The following FAM210A variants were observed in gnomAD, a reference collection of about 807,000 sequenced individuals.
The protein encoded by FAM210A is family with sequence similarity 210 member A.
Under a neutral mutation model 25.3 loss-of-function variants are expected in FAM210A, and 13 were observed. That is an observed-to-expected ratio of 0.51 (90% CI 0.33 to 0.82). FAM210A has a LOEUF of 0.82. Ranked by LOEUF, FAM210A falls within the 40% of genes least tolerant of loss-of-function variation. The pLI, the probability that FAM210A is intolerant of heterozygous loss-of-function variation, is 0.02. For missense variants in FAM210A, 319 were observed against 323.2 expected, an observed-to-expected ratio of 0.99 and a Z score of 0.10; for synonymous variants, 125 against 118.7, an observed-to-expected ratio of 1.05 and a Z score of -0.35.
intron 1 of FAM210A, among the ~76,000 whole-genome samples, chr18:13,690,892 G>A (rs2043637832): frequency 1.3e-5 from 2 of 152,200 alleles, no homozygotes; most frequent in African/African-American, 4.8e-5. Context: ...GGACAAAGCT[G>A]GACGGAGAAT....
At chr18:13,692,262 G>A (rs1329702773) in intron 1 of FAM210A, among the ~76,000 whole-genome samples, 1 of 152,016 alleles carries the variant, frequency 6.6e-6, no homozygotes, top group Non-Finnish European at 1.5e-5. Flanking sequence ...AGTCCTTAGA[G>A]ACCTACAAAG....
chr18:13,720,910 T>C (rs1234980748), intron 1 of FAM210A, among the ~76,000 whole-genome samples: 1 of 152,216 alleles, frequency 6.6e-6, no homozygotes, highest in Non-Finnish European at 1.5e-5. Context: ...TTGGTGTTCC[T>C]CTACTTCAGT....
intron 1 of FAM210A, among the ~76,000 whole-genome samples, chr18:13,698,185 C>G (rs7237229): frequency 0.014 from 2,093 of 151,558 alleles, 43 homozygotes; most frequent in African/African-American, 0.047. Flanking sequence ...AAACCCTGTC[C>G]TTACTAAAAA....
intron 3 of FAM210A, among the ~76,000 whole-genome samples, chr18:13,669,480 C>T (rs2043426000): frequency 1.3e-5 from 2 of 152,136 alleles, no homozygotes; most frequent in Admixed American, 6.6e-5. Context: ...CTTTGTCTTT[C>T]GGATTTTCTC....
intron 1 of FAM210A, among the ~76,000 whole-genome samples, chr18:13,692,260 G>T (rs1208238204): frequency 6.6e-6 from 1 of 152,016 alleles, no homozygotes; most frequent in Non-Finnish European, 1.5e-5. Context: ...CAAGTCCTTA[G>T]AGACCTACAA....
intron 1 of FAM210A, among the ~76,000 whole-genome samples, chr18:13,707,737 G>A (rs2043789959): frequency 6.6e-6 from 1 of 152,224 alleles, no homozygotes; most frequent in Non-Finnish European, 1.5e-5. Flanking sequence ...ACTTAGGAGT[G>A]TGCGCCTGTA....
At chr18:13,704,417 G>A (rs1202943320) in intron 1 of FAM210A, among the ~76,000 whole-genome samples, 1 of 152,096 alleles carries the variant, frequency 6.6e-6, no homozygotes, top group East Asian at 1.9e-4. Flanking sequence ...GCACAATAGG[G>A]TTTTCTTAAA....
In FAM210A at chr18:13,663,606, A is replaced by T. The variant is rs550698037; in HGVS notation, c.*2874T>A. ...CTTTTTGTGCATTTTACACAGGCGAATCTCAGTCCTAGCTCCCTCCCCACC... is the reference window on the plus strand; with the variant it reads ...CTTTTTGTGCATTTTACACAGGCGATTCTCAGTCCTAGCTCCCTCCCCACC... On this transcript the variant is annotated 3_prime_UTR_variant, in exon 4 of 4. Transcript: ENST00000651643. 6.6e-6 allele frequency: 1 copy of T among 152,144 alleles called. No individual in the cohort carries two copies. The highest frequency in any genetic ancestry group is 6.5e-5 in the Admixed American group (1 of 15,274). The allele number at this position is 152,144 out of a possible 1,614,324, so 9.4% of individuals were successfully genotyped here. A position where few individuals can be genotyped will look rare whatever the true frequency, so the allele number is the denominator to read the frequency against.
chr18:13,673,849 C>A (rs868601997), intron 2 of FAM210A, among the ~76,000 whole-genome samples: 11 of 126,678 alleles, frequency 8.7e-5, no homozygotes, highest in East Asian at 5.4e-4. Context: ...TGATTATTAA[C>A]ATTCCTGAGC....
chr18:13,709,330 TG>T (rs2149068035), intron 1 of FAM210A, among the ~76,000 whole-genome samples: 1 of 152,354 alleles, frequency 6.6e-6, no homozygotes, highest in South Asian at 2.1e-4. Context: ...TCAGTGTTCT[TG>T]CTCACTCTGC....
intron 2 of FAM210A, among the ~76,000 whole-genome samples, chr18:13,673,770 C>A (rs1428440146): frequency 6.6e-6 from 1 of 150,612 alleles, no homozygotes; most frequent in African/African-American, 2.4e-5. Flanking sequence ...CATTCCTGAG[C>A]CCCGACTTCA....
chr18:13,716,497 G>A lies in FAM210A; in HGVS notation c.-29+9832C>T, dbSNP rs1436797147. Among the ~76,000 whole-genome samples the A allele has an allele frequency of 2.6e-5, 4 of 152,168 alleles. No individual in the cohort carries two copies. The East Asian group carries it at 7.7e-4, about 29-fold the overall frequency. On this transcript the variant is annotated intron_variant, in intron 1 of 3. Coordinates refer to ENST00000651643, the MANE Select transcript of FAM210A (RefSeq NM_152352.4). ...GGGACCTAATTCTCTCTCCTAAACT[G>A]GGGGTGAGCAAGGAAACATATGGAT...
intron 1 of FAM210A, among the ~76,000 whole-genome samples, chr18:13,701,793 T>C (rs149932239): frequency 2.6e-5 from 4 of 152,344 alleles, no homozygotes; most frequent in African/African-American, 9.6e-5. Context: ...TTAGTTATTA[T>C]CCAGATCCAA....
chr18:13,712,620 T>C (rs2043830637), intron 1 of FAM210A, among the ~76,000 whole-genome samples: 1 of 152,150 alleles, frequency 6.6e-6, no homozygotes, highest in Admixed American at 6.5e-5. Flanking sequence ...CCCTCTATCA[T>C]GCGAGGTTAC....
intron 2 of FAM210A, among the ~76,000 whole-genome samples, chr18:13,672,243 G>C (rs138594365): frequency 1.3e-5 from 2 of 152,296 alleles, no homozygotes; most frequent in East Asian, 3.9e-4. Flanking sequence ...TAGAAAAATA[G>C]AGGCAGTTAT....
At chr18:13,679,214 A>C (rs1307205504) in intron 2 of FAM210A, among the ~76,000 whole-genome samples, 2 of 152,238 alleles carry the variant, frequency 1.3e-5, no homozygotes, top group African/African-American at 4.8e-5. Flanking sequence ...GTAATGAGGC[A>C]TGATGTCAAA....
intron 1 of FAM210A, among the ~76,000 whole-genome samples, chr18:13,689,975 A>G: frequency 6.6e-6 from 1 of 152,188 alleles, no homozygotes; most frequent in East Asian, 1.9e-4. Flanking sequence ...TCACCTGGGA[A>G]GTGCAATGGG....
intron 1 of FAM210A, among the ~76,000 whole-genome samples, chr18:13,703,627 T>G (rs1488832388): frequency 2.0e-5 from 3 of 152,188 alleles, no homozygotes; most frequent in African/African-American, 7.2e-5. Flanking sequence ...ATTAAGAAAC[T>G]TAGAAACTAG....
At chr18:13,709,523 T>C (rs1439979726) in intron 1 of FAM210A, among the ~76,000 whole-genome samples, 1 of 152,250 alleles carries the variant, frequency 6.6e-6, no homozygotes, top group Admixed American at 6.5e-5. Flanking sequence ...TTGACCATCT[T>C]ATTTAAAACT....
Sources: gnomAD v4.1 joint callset for allele counts (sites outside exome capture counted in the v4.1 genomes callset) on GRCh38, gnomAD v4.1.1 for gene constraint, MANE v1.5 for transcripts, NCBI Gene and HGNC (gene_info 2026-07-23, HGNC 2026-07-21) for gene names.